Variants in MEIS2 observed in about 807,000 individuals in gnomAD.
The protein encoded by MEIS2 is homeobox protein Meis2.
In MEIS2, 9 loss-of-function variants were observed where a neutral mutation model predicts 58.6. The ratio of observed to expected loss-of-function variants is 0.15; its 90% CI spans 0.09 to 0.27. MEIS2 has a LOEUF of 0.27. MEIS2 is among the 10% of genes least tolerant of loss of function. MEIS2 has a pLI of 1.00. For missense variants in MEIS2, 427 were observed against 635.0 expected (o/e 0.67, Z 3.52); for synonymous variants, 221 against 228.4 (o/e 0.97, Z 0.29).
chr15:37,014,516 T>C (rs1595927425), intron 8 of MEIS2, among the ~76,000 whole-genome samples: 1 of 152,340 alleles, frequency 6.6e-6, no homozygotes, highest in East Asian at 1.9e-4. Context: ...GATAAAAATC[T>C]ACATATGTTG....
intron 3 of MEIS2, chr15:37,095,920 A>C: frequency 2.1e-6 from 1 of 472,932 alleles, no homozygotes; most frequent in South Asian, 2.6e-5. Context: ...GCTGCCTGGG[A>C]CCGCTCGGAG....
chr15:36,894,661 A>T, intron 11 of MEIS2: 3 of 1,396,720 alleles, frequency 2.1e-6, no homozygotes, highest in Non-Finnish European at 3.0e-6. Context: ...ATTATAAAAA[A>T]TAAAATAAAG....
At chr15:37,041,265 G>T (rs1165698661) in intron 7 of MEIS2, among the ~76,000 whole-genome samples, 2 of 152,128 alleles carry the variant, frequency 1.3e-5, no homozygotes, top group Non-Finnish European at 2.9e-5. Context: ...CTAGGTGTGG[G>T]GCCCTGTTAA....
intron 8 of MEIS2, among the ~76,000 whole-genome samples, chr15:37,002,724 T>A (rs2060778123): frequency 6.6e-6 from 1 of 152,150 alleles, no homozygotes. Context: ...TTTCACATCT[T>A]GGCCCACTTT....
chr15:37,035,718 T>A lies in MEIS2; in HGVS notation c.900+1096A>T, dbSNP rs2062122712. On this transcript the variant is annotated intron_variant, in intron 8 of 11. Coordinates refer to ENST00000561208, the MANE Select transcript of MEIS2 (RefSeq NM_170675.5). ...TACATCAAAATGGCCGATTTAGGAATGTGAATCTATCACTTTTCCCTCCCC... is the reference window on the plus strand; with the variant it reads ...TACATCAAAATGGCCGATTTAGGAAAGTGAATCTATCACTTTTCCCTCCCC... Among the ~76,000 whole-genome samples the A allele has an allele frequency of 2.6e-5, 4 of 152,198 alleles. No individual in the cohort carries two copies. In the South Asian group the frequency reaches 8.3e-4, roughly 32 times the overall value.
intron 9 of MEIS2, among the ~76,000 whole-genome samples, chr15:36,936,003 G>T (rs1325963667): frequency 6.6e-6 from 1 of 151,728 alleles, no homozygotes; most frequent in Non-Finnish European, 1.5e-5. Context: ...AACAGTTTTT[G>T]CTGCTCAGAT....
intron 9 of MEIS2, among the ~76,000 whole-genome samples, chr15:36,929,798 G>A (rs956920925): frequency 7.2e-5 from 11 of 152,098 alleles, no homozygotes; most frequent in African/African-American, 2.7e-4. Context: ...ACTTGATGTG[G>A]GCTAATATTA....
intron 6 of MEIS2, among the ~76,000 whole-genome samples, chr15:37,092,803 A>C (rs773306064): frequency 2.6e-4 from 35 of 136,866 alleles, no homozygotes; most frequent in Non-Finnish European, 4.7e-4. Context: ...AGAGAATAGA[A>C]AGAAATCTCC....
chr15:36,898,020 T>C (rs909610046), intron 9 of MEIS2: 8 of 152,196 alleles, frequency 5.3e-5, no homozygotes, highest in African/African-American at 1.9e-4. Flanking sequence ...TGAGGAATAA[T>C]AGCTGGGAGA....
intron 8 of MEIS2, among the ~76,000 whole-genome samples, chr15:37,035,103 G>A (rs2062099000): frequency 6.6e-6 from 1 of 152,176 alleles, no homozygotes; most frequent in African/African-American, 2.4e-5. Flanking sequence ...GAGGACAGAG[G>A]GAGGGAACCA....
rs71126247 is a variant in MEIS2 at position 36,971,537 on chromosome 15, T to TAAAA, written c.901-21141_901-21138dup. 3.1e-4 allele frequency among the ~76,000 whole-genome samples: 21 copies of TAAAA among 67,112 alleles called. 1 individual carries two copies. The highest frequency in any genetic ancestry group is 1.1e-3 in the African/African-American group (15 of 14,170). 44.0% of individuals were successfully genotyped at this position (67,112 alleles called of 152,430 possible). On this transcript the variant is annotated intron_variant, in intron 8 of 11. Coordinates refer to ENST00000561208, the MANE Select transcript of MEIS2 (RefSeq NM_170675.5). Reference sequence around the variant, plus strand: ...GTATTACTTGTATGCCTTGTTACATTAAAAAAAAAAAAAAAAAAAAAAAAA... The same window carrying TAAAA: ...GTATTACTTGTATGCCTTGTTACATTAAAAAAAAAAAAAAAAAAAAAAAAAAAAA...
intron 7 of MEIS2, among the ~76,000 whole-genome samples, chr15:37,051,110 A>G (rs756269818): frequency 1.7e-4 from 26 of 152,328 alleles, no homozygotes; most frequent in Non-Finnish European, 3.5e-4. Context: ...TTTGTACCCA[A>G]TGCTTTATAC....
intron 8 of MEIS2, among the ~76,000 whole-genome samples, chr15:36,975,999 T>C (rs1311348893): frequency 6.6e-6 from 1 of 152,204 alleles, no homozygotes; most frequent in Non-Finnish European, 1.5e-5. Context: ...ATTTGTCAAT[T>C]ACAAAATAAA....
intron 8 of MEIS2, among the ~76,000 whole-genome samples, chr15:37,026,398 T>C (rs1170522432): frequency 6.6e-6 from 1 of 152,192 alleles, no homozygotes; most frequent in Non-Finnish European, 1.5e-5. Flanking sequence ...AATATACTTT[T>C]CCAAATTATT....
At chr15:37,066,918 A>T (rs1395371095) in intron 7 of MEIS2, among the ~76,000 whole-genome samples, 2 of 151,932 alleles carry the variant, frequency 1.3e-5, no homozygotes, top group East Asian at 3.9e-4. Context: ...AGCTGGGACT[A>T]TAGGTGCATG....
chr15:37,033,720 G>T (rs1411627768), intron 8 of MEIS2, among the ~76,000 whole-genome samples: 1 of 152,134 alleles, frequency 6.6e-6, no homozygotes, highest in Non-Finnish European at 1.5e-5. Flanking sequence ...CTAGTTCCAA[G>T]GACTTCCTCA....
At chr15:36,972,494 T>G (rs2059602846) in intron 8 of MEIS2, among the ~76,000 whole-genome samples, 1 of 152,148 alleles carries the variant, frequency 6.6e-6, no homozygotes. Context: ...TGACCTCAAG[T>G]GATCCGCCCA....
At chr15:36,989,330 C>T (rs1046087822) in intron 8 of MEIS2, among the ~76,000 whole-genome samples, 2 of 152,186 alleles carry the variant, frequency 1.3e-5, no homozygotes, top group South Asian at 2.1e-4. Flanking sequence ...TGCCCAGCTG[C>T]CACCTTATCA....
intron 8 of MEIS2, among the ~76,000 whole-genome samples, chr15:37,034,428 C>T (rs1463337840): frequency 6.6e-6 from 1 of 152,202 alleles, no homozygotes; most frequent in African/African-American, 2.4e-5. Context: ...TTGAGTCGGA[C>T]AGAGAATTCT....
Sources: gnomAD v4.1 joint callset for allele counts (sites outside exome capture counted in the v4.1 genomes callset) on GRCh38, gnomAD v4.1.1 for gene constraint, MANE v1.5 for transcripts, NCBI Gene and HGNC (gene_info 2026-07-23, HGNC 2026-07-21) for gene names.